KCNN2: variants seen among roughly 807,000 people sequenced by gnomAD.
The protein encoded by KCNN2 is small conductance calcium-activated potassium channel protein 2.
Under a neutral mutation model 55.5 loss-of-function variants are expected in KCNN2, and 24 were observed. That is an observed-to-expected ratio of 0.43 (90% CI 0.31 to 0.61). The LOEUF (loss-of-function observed/expected upper bound fraction) is 0.61. Among genes scored for constraint, KCNN2 ranks in the 20% least tolerant of loss-of-function variants. KCNN2 has a pLI of 0.08. For missense variants in KCNN2, 754 were observed against 853.6 expected (o/e 0.88, Z 1.45); for synonymous variants, 431 against 336.1 (o/e 1.28, Z -3.09).
chr5:114,308,833 G>A (rs770343395), intron 2 of KCNN2, among the ~76,000 whole-genome samples: 1 of 152,186 alleles, frequency 6.6e-6, no homozygotes, highest in East Asian at 1.9e-4. Flanking sequence ...TCTGTTTCAA[G>A]TCTTGATTTA....
At chr5:114,264,295 T>A (rs2150005500) in intron 2 of KCNN2, among the ~76,000 whole-genome samples, 1 of 152,310 alleles carries the variant, frequency 6.6e-6, no homozygotes, top group East Asian at 1.9e-4. Flanking sequence ...AATCTACACT[T>A]TTATTATCAT....
intron 1 of KCNN2, among the ~76,000 whole-genome samples, chr5:114,200,631 G>A (rs1482413986): frequency 6.6e-6 from 1 of 151,566 alleles, no homozygotes; most frequent in South Asian, 2.1e-4. Flanking sequence ...TGTACATCTG[G>A]TATAGCTGTC....
intron 7 of KCNN2, among the ~76,000 whole-genome samples, chr5:114,494,299 G>T (rs1748006120): frequency 6.7e-6 from 1 of 150,308 alleles, no homozygotes; most frequent in Non-Finnish European, 1.5e-5. Context: ...CTTTGCTAAA[G>T]CCTCAAGTAT....
intron 1 of KCNN2, among the ~76,000 whole-genome samples, chr5:114,200,372 C>G (rs1447803610): frequency 6.6e-6 from 1 of 150,834 alleles, no homozygotes; most frequent in Non-Finnish European, 1.5e-5. Context: ...TTTCTTTTCT[C>G]TAAGATATCT....
At chr5:114,490,296 C>G (rs961781325) in intron 6 of KCNN2, among the ~76,000 whole-genome samples, 3 of 151,706 alleles carry the variant, frequency 2.0e-5, no homozygotes, top group African/African-American at 7.3e-5. Context: ...AAAAGATGTA[C>G]CCCCCCAAAA....
chr5:114,246,592 T>TA (rs145623154), intron 2 of KCNN2, among the ~76,000 whole-genome samples: 4,543 of 152,222 alleles, frequency 0.03, 232 homozygotes, highest in African/African-American at 0.1. Context: ...CTAACATTGG[T>TA]ATCGTACTTT....
At chr5:114,268,613 C>T (rs1010779849) in intron 2 of KCNN2, among the ~76,000 whole-genome samples, 3 of 152,132 alleles carry the variant, frequency 2.0e-5, no homozygotes, top group Non-Finnish European at 4.4e-5. Context: ...TCAGAGGTGC[C>T]TCCTGGGGAG....
chr5:114,414,830 T>A (rs1759256551), intron 3 of KCNN2, among the ~76,000 whole-genome samples: 1 of 152,180 alleles, frequency 6.6e-6, no homozygotes, highest in African/African-American at 2.4e-5. Flanking sequence ...TTTATTGAGG[T>A]ATAATTTACG....
chr5:114,085,574 T>A (rs766262027), intron 1 of KCNN2, among the ~76,000 whole-genome samples: 1 of 152,042 alleles, frequency 6.6e-6, no homozygotes, highest in African/African-American at 2.4e-5. Context: ...ATTTTAAAAA[T>A]TGATTTCCAA....
chr5:114,358,383 T>C (rs1757337747), upstream of KCNN2, among the ~76,000 whole-genome samples: 1 of 152,126 alleles, frequency 6.6e-6, no homozygotes, highest in Admixed American at 6.5e-5. Context: ...GGGATGGGTG[T>C]TTGTGTGCGT....
At chr5:114,373,942 T>C (rs1757856892) in intron 2 of KCNN2, among the ~76,000 whole-genome samples, 1 of 151,910 alleles carries the variant, frequency 6.6e-6, no homozygotes, top group Non-Finnish European at 1.5e-5. Context: ...ATTTGCTGTC[T>C]ATTAAGGACA....
intron 1 of KCNN2, among the ~76,000 whole-genome samples, chr5:114,178,523 T>C (rs934843377): frequency 6.6e-6 from 1 of 152,220 alleles, no homozygotes; most frequent in Non-Finnish European, 1.5e-5. Flanking sequence ...AAATTCCAGA[T>C]AGAATTACCC....
chr5:114,277,735 G>T (rs1755520695), intron 2 of KCNN2, among the ~76,000 whole-genome samples: 1 of 152,042 alleles, frequency 6.6e-6, no homozygotes, highest in Non-Finnish European at 1.5e-5. Flanking sequence ...TTAGCCATTT[G>T]TCTAACCTTT....
intron 1 of KCNN2, among the ~76,000 whole-genome samples, chr5:114,158,500 C>T (rs1002640136): frequency 4.6e-5 from 7 of 151,986 alleles, no homozygotes; most frequent in African/African-American, 1.7e-4. Context: ...TTTTTTGGTT[C>T]CATATGAAGT....
At chr5:114,294,498 C>T (rs933786168) in intron 2 of KCNN2, among the ~76,000 whole-genome samples, 40 of 151,980 alleles carry the variant, frequency 2.6e-4, no homozygotes, top group Middle Eastern at 3.4e-3. Context: ...TGTAGTTGAG[C>T]GGTTTTGAGT....
chr5:114,234,412 C>T (rs1287115373), intron 2 of KCNN2, among the ~76,000 whole-genome samples: 4 of 152,132 alleles, frequency 2.6e-5, no homozygotes, highest in Non-Finnish European at 4.4e-5. Flanking sequence ...TTTAACTTTA[C>T]GATTCTGTTA....
At chr5:114,145,694 C>T (rs943447474) in intron 1 of KCNN2, among the ~76,000 whole-genome samples, 2 of 152,106 alleles carry the variant, frequency 1.3e-5, no homozygotes, top group African/African-American at 4.8e-5. Context: ...TTAACATAGA[C>T]CTGATAGGAG....
At chr5:114,410,195 C>A (rs1323271569) in intron 3 of KCNN2, among the ~76,000 whole-genome samples, 1 of 152,186 alleles carries the variant, frequency 6.6e-6, no homozygotes, top group Non-Finnish European at 1.5e-5. Flanking sequence ...ACCTGAAACT[C>A]AGAGCTTGGG....
chr5:114,189,858 G>T (rs1325967963), intron 1 of KCNN2, among the ~76,000 whole-genome samples: 1 of 152,078 alleles, frequency 6.6e-6, no homozygotes, highest in African/African-American at 2.4e-5. Flanking sequence ...GGATAAAGTG[G>T]TGTTGGGACA....
Sources: gnomAD v4.1 joint callset for allele counts (sites outside exome capture counted in the v4.1 genomes callset) on GRCh38, gnomAD v4.1.1 for gene constraint, MANE v1.5 for transcripts, NCBI Gene and HGNC (gene_info 2026-07-23, HGNC 2026-07-21) for gene names.